The following QRFPR variants were observed in gnomAD, a reference collection of about 807,000 sequenced individuals.
QRFPR encodes the protein pyroglutamylated RF-amide peptide receptor.
A neutral mutation model predicts 31.3 loss-of-function variants in QRFPR; 37 were observed. The ratio of observed to expected loss-of-function variants is 1.18; its 90% CI spans 0.91 to 1.56. The LOEUF (loss-of-function observed/expected upper bound fraction) is 1.56. QRFPR is among the 40% of genes most tolerant of loss of function. The probability of loss-of-function intolerance (pLI) is 0.00; values close to 1 mark genes in which losing one functional copy is unlikely to be tolerated. For synonymous variants in QRFPR, 197 were observed against 192.0 expected (o/e 1.03, Z -0.22); for missense variants, 542 against 532.5 (o/e 1.02, Z -0.18).
rs1726477531 is a variant in QRFPR, at chr4:121,380,724, C to T, written c.-77G>A. 5 of 1,361,640 alleles carry T rather than the reference C, an allele frequency of 3.7e-6. No individual in the cohort carries two copies. The highest frequency in any genetic ancestry group is 5.5e-5 in the Admixed American group (2 of 36,218). The allele number at this position is 1,361,640 out of a possible 1,614,324, so 84.3% of individuals were successfully genotyped here. The stretch of plus-strand genomic sequence containing the variant: ...CGCATCTGCGGGGCAGCGAGGGCTT[C>T]GGGGGACCAGCCGGAGGCCGCCTCC... On this transcript the variant is annotated 5_prime_UTR_variant, in exon 1 of 6. Coordinates refer to ENST00000394427, the MANE Select transcript of QRFPR (RefSeq NM_198179.3).
intron 2 of QRFPR, among the ~76,000 whole-genome samples, chr4:121,339,136 T>C (rs568049670): frequency 4.9e-4 from 75 of 152,352 alleles, no homozygotes; most frequent in African/African-American, 1.8e-3. Context: ...AGGGGTTCTT[T>C]CTGCAATTCC....
At chr4:121,370,625 C>T (rs1726221651) in intron 1 of QRFPR, among the ~76,000 whole-genome samples, 1 of 152,192 alleles carries the variant, frequency 6.6e-6, no homozygotes, top group Non-Finnish European at 1.5e-5. Context: ...GTGGCAGTGA[C>T]TTCAAAGGTC....
At chr4:121,350,785 C>T (rs908051747) in intron 1 of QRFPR, among the ~76,000 whole-genome samples, 5 of 152,104 alleles carry the variant, frequency 3.3e-5, no homozygotes, top group South Asian at 2.1e-4. Flanking sequence ...TAAAAGGTCG[C>T]TGTTGAGTGA....
intron 1 of QRFPR, among the ~76,000 whole-genome samples, chr4:121,355,300 G>A (rs757338427): frequency 6.6e-6 from 1 of 151,972 alleles, no homozygotes; most frequent in Non-Finnish European, 1.5e-5. Flanking sequence ...TATCTTGATA[G>A]GTTATAGGTG....
chr4:121,346,403 G>A (rs920971478), intron 1 of QRFPR, among the ~76,000 whole-genome samples: 1 of 152,124 alleles, frequency 6.6e-6, no homozygotes, highest in Admixed American at 6.5e-5. Flanking sequence ...CTTATATGCT[G>A]TGACCTTGCT....
At chr4:121,361,620 A>C (rs35150174) in intron 1 of QRFPR, among the ~76,000 whole-genome samples, 41,026 of 149,776 alleles carry the variant, frequency 0.27, 7,825 homozygotes, top group Non-Finnish European at 0.36. Context: ...TTCAGTAGGT[A>C]TGTGATGAGG....
chr4:121,328,905 G>A lies in QRFPR; in HGVS notation c.*409C>T, dbSNP rs143218015. On this transcript the variant is annotated 3_prime_UTR_variant, in exon 6 of 6. Transcript: ENST00000394427. ...CAAGTAGCTGGGACTACAGGTGCCC[G>A]CCACCACGCCCGGCTAATTTTTGTA... is the stretch of plus-strand genomic sequence containing the variant. 0.019 allele frequency among the ~76,000 whole-genome samples: 2,821 copies of A among 152,206 alleles called. 66 individuals carry two copies. The highest frequency in any genetic ancestry group is 0.11 in the East Asian group (576 of 5,134).
rs188551983 is a variant in QRFPR, at chr4:121,354,622, T to G, written c.341-14012A>C. 2.8e-3 allele frequency among the ~76,000 whole-genome samples: 432 copies of G among 152,222 alleles called. 1 individual carries two copies. The highest frequency in any genetic ancestry group is 3.7e-3 in the South Asian group (18 of 4,822). ...AAAGAGGTGAAAATGAGCATCTTTTTCTTGTTTCAGATCTTAGAGGAAAGG... is the reference window on the plus strand; with the variant it reads ...AAAGAGGTGAAAATGAGCATCTTTTGCTTGTTTCAGATCTTAGAGGAAAGG... On this transcript the variant is annotated intron_variant, in intron 1 of 5. Coordinates refer to ENST00000394427, the MANE Select transcript of QRFPR (RefSeq NM_198179.3).
At chr4:121,339,354 C>A (rs369471098) in intron 2 of QRFPR, among the ~76,000 whole-genome samples, 14 of 152,160 alleles carry the variant, frequency 9.2e-5, no homozygotes, top group African/African-American at 2.9e-4. Context: ...AGAAATGCTT[C>A]CATTTTACTG....
chr4:121,367,317 AT>A (rs1286565308), intron 1 of QRFPR, among the ~76,000 whole-genome samples: 4 of 149,562 alleles, frequency 2.7e-5, no homozygotes, highest in African/African-American at 7.4e-5. Context: ...GTCCCAACAA[AT>A]TTTTTTTAAC....
chr4:121,377,381 T>C (rs1230613228), intron 1 of QRFPR, among the ~76,000 whole-genome samples: 1 of 150,662 alleles, frequency 6.6e-6, no homozygotes, highest in Non-Finnish European at 1.5e-5. Context: ...GGTATTCATA[T>C]TTTAGGTTTT....
intron 1 of QRFPR, among the ~76,000 whole-genome samples, chr4:121,352,095 C>T (rs991859585): frequency 2.0e-5 from 3 of 151,930 alleles, no homozygotes; most frequent in South Asian, 2.1e-4. Context: ...TTCTCTCTGG[C>T]GGTTGGAATA....
rs769996311 is a variant in QRFPR, at chr4:121,377,435, G to A, written c.340+2873C>T. Among the ~76,000 whole-genome samples, 14 of 148,118 alleles carry A rather than the reference G, an allele frequency of 9.5e-5. 1 individual carries two copies. In the South Asian group the frequency reaches 1.3e-3, roughly 13 times the overall value. ...TATATTTTTTTTTTTTTCCTCCCCA[G>A]TTGCACTACTTTTCTGTCTCATTTC... is the stretch of plus-strand genomic sequence containing the variant. On this transcript the variant is annotated intron_variant, in intron 1 of 5. Transcript: ENST00000394427.
At chr4:121,353,990 G>T (rs1374356254) in intron 1 of QRFPR, among the ~76,000 whole-genome samples, 1 of 151,910 alleles carries the variant, frequency 6.6e-6, no homozygotes. Flanking sequence ...ATATGTTCTT[G>T]GTACCTTTGT....
intron 1 of QRFPR, among the ~76,000 whole-genome samples, chr4:121,352,204 G>A (rs1002396844): frequency 6.6e-6 from 1 of 152,058 alleles, no homozygotes; most frequent in Non-Finnish European, 1.5e-5. Flanking sequence ...TAAACAACAA[G>A]GGAAATGTAT....
At chr4:121,345,362 C>T (rs1285342526) in intron 1 of QRFPR, among the ~76,000 whole-genome samples, 3 of 152,230 alleles carry the variant, frequency 2.0e-5, no homozygotes, top group Non-Finnish European at 4.4e-5. Flanking sequence ...CACGCTGATC[C>T]TGTGAGCCTT....
At chr4:121,379,428 G>A (rs1395729071) in intron 1 of QRFPR, among the ~76,000 whole-genome samples, 2 of 152,144 alleles carry the variant, frequency 1.3e-5, no homozygotes, top group Non-Finnish European at 1.5e-5. Context: ...ACACCCAACC[G>A]TGAAAAAGGG....
Position 121,332,835 on chromosome 4 carries a change from C to T in QRFPR, c.783G>A (p.Met261Ile). The T allele has an allele frequency of 6.2e-7, 1 of 1,612,716 alleles. No individual in the cohort carries two copies. Among genetic ancestry groups the T allele is most frequent in the Non-Finnish European group, 8.5e-7 (1 of 1,178,820 alleles). The change falls in exon 4 of 6, where the codon ATG becomes ATA. Residue 261 changes from methionine to isoleucine, a missense_variant. Coordinates refer to ENST00000394427, the MANE Select transcript of QRFPR (RefSeq NM_198179.3). Reference sequence around the variant, plus strand: ...ATTAAACAGACCTGGCTATTTTGGACATTTCTTTTCCATGAATAGTTCGAA... The same window carrying T: ...ATTAAACAGACCTGGCTATTTTGGATATTTCTTTTCCATGAATAGTTCGAA... ...SVLRTIHGKE[M>I]SKIARKKKRA...
intron 1 of QRFPR, among the ~76,000 whole-genome samples, chr4:121,374,716 C>T (rs1008778367): frequency 1.3e-5 from 2 of 152,184 alleles, no homozygotes; most frequent in East Asian, 3.8e-4. Context: ...CATTACCACT[C>T]TAAGAGGAAT....
Sources: allele counts gnomAD v4.1 joint callset (sites outside exome capture counted in the v4.1 genomes callset), GRCh38; gene constraint gnomAD v4.1.1; transcripts MANE v1.5; gene names NCBI Gene and HGNC (gene_info 2026-07-23, HGNC 2026-07-21).